ARL6IP5: variants seen among roughly 807,000 people sequenced by gnomAD.
ARL6IP5 encodes PRA1 family protein 3.
ARL6IP5 carries 6 observed loss-of-function variants against 13.0 expected under a neutral mutation model. That is an observed-to-expected ratio of 0.46 (90% confidence interval 0.25 to 0.91). The LOEUF is 0.91. ARL6IP5 is among the 40% of genes least tolerant of loss of function. The pLI, the probability that ARL6IP5 is intolerant of heterozygous loss-of-function variation, is 0.17. For missense variants in ARL6IP5, 208 were observed against 248.8 expected (o/e 0.84, Z 1.10); for synonymous variants, 91 against 91.9 (o/e 0.99, Z 0.06).
intron 2 of ARL6IP5, among the ~76,000 whole-genome samples, chr3:69,104,141 C>G (rs1490834570): frequency 6.6e-6 from 1 of 152,184 alleles, no homozygotes; most frequent in Admixed American, 6.5e-5. Flanking sequence ...CCCGTTGATT[C>G]ACTCTGAATT....
intron 1 of ARL6IP5, among the ~76,000 whole-genome samples, chr3:69,091,048 A>G (rs1281796401): frequency 6.6e-6 from 1 of 152,056 alleles, no homozygotes; most frequent in Non-Finnish European, 1.5e-5. Flanking sequence ...AATAGAAAAA[A>G]TTAGCCTGGC....
intron 1 of ARL6IP5, among the ~76,000 whole-genome samples, chr3:69,093,662 T>A (rs191125443): frequency 6.6e-6 from 1 of 150,836 alleles, no homozygotes; most frequent in Non-Finnish European, 1.5e-5. Flanking sequence ...CTGGAGAGGC[T>A]GAGGCAGGAG....
chr3:69,101,858 A>G lies in ARL6IP5; in HGVS notation c.196A>G (p.Met66Val). The G allele has an allele frequency of 1.2e-6, 2 of 1,613,668 alleles. No individual in the cohort carries two copies. The highest frequency in any genetic ancestry group is 1.7e-6 in the Non-Finnish European group (2 of 1,179,812). The change falls in exon 2 of 3, where the codon ATG becomes GTG. Residue 66 changes from methionine to valine, a missense_variant. By Grantham distance (21) the Met-to-Val change is conservative. Transcript: ENST00000273258. ...TTTCAGGTTTCTGAGTCCCTTCAACATGATCCTGGGAGGAATCGTGGTGGT... is the reference window on the plus strand; with the variant it reads ...TTTCAGGTTTCTGAGTCCCTTCAACGTGATCCTGGGAGGAATCGTGGTGGT... ...SIVGFLSPFN[M>V]ILGGIVVVLV...
In ARL6IP5 at chr3:69,105,510, A is replaced by G. The variant is rs889306848; in HGVS notation, c.*874A>G. The G allele has an allele frequency of 2.0e-5, 3 of 152,266 alleles. No individual in the cohort carries two copies. The highest frequency in any genetic ancestry group is 2.0e-4 in the Admixed American group (3 of 15,286). 9.4% of individuals were successfully genotyped at this position (152,266 alleles called of 1,614,324 possible). A position where few individuals can be genotyped will look rare whatever the true frequency, so the allele number is the denominator to read the frequency against. ...GGAACATTTAGAAAGAAGGAAATGA[A>G]TGTGCATTTTATTAATTCCTTAGGG... On this transcript the variant is annotated 3_prime_UTR_variant, in exon 3 of 3. Transcript: ENST00000273258.
At chr3:69,089,980 C>G (rs1458513920) in intron 1 of ARL6IP5, 1 of 398,024 alleles carries the variant, frequency 2.5e-6, no homozygotes, top group Non-Finnish European at 4.9e-6. Context: ...TTCTAGAAGG[C>G]TGGTAATTAT....
chr3:69,100,442 A>C (rs932091160), intron 1 of ARL6IP5, among the ~76,000 whole-genome samples: 3 of 152,152 alleles, frequency 2.0e-5, no homozygotes, highest in Non-Finnish European at 4.4e-5. Context: ...TCCATGGGGC[A>C]GGCAGGTTAT....
intron 2 of ARL6IP5, 79 bp downstream of exon 2, chr3:69,102,135 T>C: frequency 6.8e-7 from 1 of 1,475,240 alleles, no homozygotes; most frequent in South Asian, 1.2e-5. Flanking sequence ...ATAACCCATT[T>C]CTTATATGTG....
chr3:69,085,864 T>A (rs1426816493), intron 1 of ARL6IP5, among the ~76,000 whole-genome samples: 1 of 152,200 alleles, frequency 6.6e-6, no homozygotes, highest in African/African-American at 2.4e-5. Flanking sequence ...ACTTTCTCTG[T>A]CTTCGCTTCC....
In ARL6IP5 at chr3:69,095,670, T is replaced by C. The variant is rs745632629; in HGVS notation, c.177-6169T>C. The stretch of plus-strand genomic sequence containing the variant: ...CCACCACGCCCAGCTAATTTTTATG[T>C]TTTTAGTAGAGATGGGGTTTCGCCA... On this transcript the variant is annotated intron_variant, in intron 1 of 2. Coordinates refer to ENST00000273258, the MANE Select transcript of ARL6IP5 (RefSeq NM_006407.4). Among the ~76,000 whole-genome samples the C allele has an allele frequency of 1.1e-4, 16 of 152,200 alleles. No individual in the cohort carries two copies. The East Asian group carries it at 2.9e-3, about 28-fold the overall frequency.
In ARL6IP5 at chr3:69,104,791, C is replaced by A. The variant is rs1220979682; in HGVS notation, c.*155C>A. 2.3e-6 allele frequency: 2 copies of A among 860,710 alleles called. No individual in the cohort carries two copies. The highest frequency in any genetic ancestry group is 4.1e-5 in the Admixed American group (2 of 48,640). 53.3% of individuals were successfully genotyped at this position (860,710 alleles called of 1,614,324 possible). ...TGTATAGGCCGAACTATTATCAGCT[C>A]TGATGTTTCAGAGAGAAGACCTCAG... On this transcript the variant is annotated 3_prime_UTR_variant, in exon 3 of 3. Transcript: ENST00000273258.
intron 1 of ARL6IP5, among the ~76,000 whole-genome samples, chr3:69,093,490 A>T (rs2092276130): frequency 6.6e-6 from 1 of 152,172 alleles, no homozygotes; most frequent in African/African-American, 2.4e-5. Flanking sequence ...GCCCACATTT[A>T]TGCCTATAGT....
At chr3:69,093,662 T>G (rs191125443) in intron 1 of ARL6IP5, among the ~76,000 whole-genome samples, 27 of 150,948 alleles carry the variant, frequency 1.8e-4, no homozygotes, top group Admixed American at 1.8e-3. Flanking sequence ...CTGGAGAGGC[T>G]GAGGCAGGAG....
intron 1 of ARL6IP5, among the ~76,000 whole-genome samples, chr3:69,096,310 A>G (rs760544674): frequency 1.3e-5 from 2 of 152,190 alleles, no homozygotes; most frequent in African/African-American, 4.8e-5. Context: ...TGCTTGAGTT[A>G]GGCCTGGATT....
At chr3:69,098,928 T>C (rs2092295776) in intron 1 of ARL6IP5, among the ~76,000 whole-genome samples, 1 of 152,144 alleles carries the variant, frequency 6.6e-6, no homozygotes, top group Non-Finnish European at 1.5e-5. Context: ...TCAATACTGT[T>C]ACAACTCAAT....
chr3:69,097,030 A>AT (rs985085512), intron 1 of ARL6IP5, among the ~76,000 whole-genome samples: 1 of 151,986 alleles, frequency 6.6e-6, no homozygotes, highest in African/African-American at 2.4e-5. Flanking sequence ...TTAAATACCA[A>AT]TTTTTTTTAT....
intron 2 of ARL6IP5, among the ~76,000 whole-genome samples, chr3:69,102,967 C>G (rs957029949): frequency 1.3e-5 from 2 of 152,206 alleles, no homozygotes; most frequent in African/African-American, 2.4e-5. Flanking sequence ...CAGCAGAAAT[C>G]TGATTAAAAT....
At chr3:69,094,090 C>A (rs1042423769) in intron 1 of ARL6IP5, among the ~76,000 whole-genome samples, 4 of 152,194 alleles carry the variant, frequency 2.6e-5, no homozygotes, top group African/African-American at 9.7e-5. Context: ...TCACCTCACC[C>A]TGAGATGGCA....
intron 1 of ARL6IP5, among the ~76,000 whole-genome samples, chr3:69,087,674 C>T (rs1164103120): frequency 6.6e-6 from 1 of 152,138 alleles, no homozygotes; most frequent in African/African-American, 2.4e-5. Context: ...GTTGGCCCTC[C>T]TCATTTTCCT....
chr3:69,092,849 C>G (rs933880263), intron 1 of ARL6IP5, among the ~76,000 whole-genome samples: 5 of 147,640 alleles, frequency 3.4e-5, no homozygotes, highest in African/African-American at 1.3e-4. Context: ...TTTCTAAAAT[C>G]ATTCAAGAAG....
Sources: allele counts gnomAD v4.1 joint callset (sites outside exome capture counted in the v4.1 genomes callset), GRCh38; gene constraint gnomAD v4.1.1; transcripts MANE v1.5; gene names NCBI Gene and HGNC (gene_info 2026-07-23, HGNC 2026-07-21).